The following CSMD3 variants were observed in gnomAD, a reference collection of about 807,000 sequenced individuals.
CSMD3 encodes the protein CUB and Sushi multiple domains 3, also known as CUB and sushi domain-containing protein 3.
A neutral mutation model predicts 435.2 loss-of-function variants in CSMD3; 177 were observed. The ratio of observed to expected loss-of-function variants is 0.41; its 90% confidence interval spans 0.36 to 0.46. The LOEUF is 0.46. Ranked by LOEUF, CSMD3 falls within the 20% of genes least tolerant of loss-of-function variation. CSMD3 has a pLI of 0.34. For missense variants in CSMD3, 4,265 were observed against 4,504.6 expected (o/e 0.95, Z 1.52); for synonymous variants, 1,656 against 1,520.5 (o/e 1.09, Z -2.07).
intron 22 of CSMD3, among the ~76,000 whole-genome samples, chr8:112,591,221 C>G (rs1831163465): frequency 1.3e-5 from 2 of 152,108 alleles, no homozygotes; most frequent in South Asian, 2.1e-4. Flanking sequence ...ATTAAGATAT[C>G]TATTCGAGTT....
At chr8:112,809,643 C>A (rs73702223) in intron 12 of CSMD3, among the ~76,000 whole-genome samples, 1,648 of 152,212 alleles carry the variant, frequency 0.011, 33 homozygotes, top group African/African-American at 0.038. Flanking sequence ...CCCACAATCA[C>A]TTATTTCCAA....
In CSMD3 at chr8:113,177,839, T is replaced by C. The variant is rs1487137109; in HGVS notation, c.515-3923A>G. On this transcript the variant is annotated intron_variant, in intron 3 of 70. Coordinates refer to ENST00000297405, the MANE Select transcript of CSMD3 (RefSeq NM_198123.2). ...ACAGTATTGAGATTATCAGCAAATA[T>C]GAAGATATTTTGACAACATAGACTA... Among the ~76,000 whole-genome samples, 5 of 152,160 alleles carry C rather than the reference T, an allele frequency of 3.3e-5. No individual in the cohort carries two copies. The East Asian group carries it at 9.7e-4, about 29-fold the overall frequency.
At chr8:113,014,652 A>G (rs190065991) in intron 6 of CSMD3, among the ~76,000 whole-genome samples, 97 of 152,266 alleles carry the variant, frequency 6.4e-4, no homozygotes, top group African/African-American at 2.3e-3. Context: ...GTCCTGAAAT[A>G]TTACAACACA....
chr8:112,993,135 TA>T (rs930717602), intron 6 of CSMD3, among the ~76,000 whole-genome samples: 1 of 151,616 alleles, frequency 6.6e-6, no homozygotes, highest in African/African-American at 2.4e-5. Context: ...TACTGCGATT[TA>T]AAAAAATATC....
At chr8:113,374,275 T>C (rs1220999600) in intron 1 of CSMD3, among the ~76,000 whole-genome samples, 1 of 152,066 alleles carries the variant, frequency 6.6e-6, no homozygotes, top group Admixed American at 6.6e-5. Context: ...AAAATATACA[T>C]GGCAATGTTA....
intron 45 of CSMD3, among the ~76,000 whole-genome samples, chr8:112,334,577 T>A (rs1824386897): frequency 6.6e-6 from 1 of 152,158 alleles, no homozygotes; most frequent in Non-Finnish European, 1.5e-5. Context: ...TGTGTTATAA[T>A]GAGACTGTAG....
chr8:112,895,677 T>G (rs2130374938), intron 10 of CSMD3, among the ~76,000 whole-genome samples: 1 of 151,456 alleles, frequency 6.6e-6, no homozygotes, highest in East Asian at 2.0e-4. Flanking sequence ...CCCGAAATAT[T>G]TCAAGAAAAG....
At chr8:112,994,500 A>T (rs1258536229) in intron 6 of CSMD3, among the ~76,000 whole-genome samples, 3 of 151,712 alleles carry the variant, frequency 2.0e-5, no homozygotes, top group African/African-American at 4.8e-5. Flanking sequence ...AGGAAATTAG[A>T]TATGTAAGTT....
At position 112,352,262 on chromosome 8, in the gene CSMD3, C is replaced by G. The variant is rs895398512; in HGVS notation, c.6255+154G>C. Among the ~76,000 whole-genome samples, 5 of 152,226 alleles carry G rather than the reference C, an allele frequency of 3.3e-5. No individual in the cohort carries two copies. The East Asian group carries it at 9.6e-4, about 29-fold the overall frequency. On this transcript the variant is annotated intron_variant, in intron 39 of 70. Transcript: ENST00000297405. ...TTTAGTCAATTCCAGCAATATTTCT[C>G]ATGTGCATATTTTATTATCAAATTG... is the stretch of plus-strand genomic sequence containing the variant.
intron 3 of CSMD3, among the ~76,000 whole-genome samples, chr8:113,196,427 T>C (rs954193424): frequency 1.3e-5 from 2 of 151,150 alleles, no homozygotes; most frequent in African/African-American, 4.8e-5. Context: ...GATACTGTTA[T>C]ATAGACAAAT....
intron 53 of CSMD3, 118 bp from the exon 54 acceptor site, chr8:112,296,124 T>A: frequency 2.6e-6 from 2 of 780,704 alleles, no homozygotes; most frequent in Non-Finnish European, 4.3e-6. Context: ...CAACAAATAA[T>A]TCAATTATAA....
At chr8:112,345,640 T>C (rs1454954957) in intron 41 of CSMD3, among the ~76,000 whole-genome samples, 3 of 152,084 alleles carry the variant, frequency 2.0e-5, no homozygotes. Context: ...ACAAAAGAAG[T>C]AAATTCATTG....
chr8:112,355,356 T>TTGTC (rs1826494170), intron 38 of CSMD3, among the ~76,000 whole-genome samples: 1 of 152,118 alleles, frequency 6.6e-6, no homozygotes, highest in Admixed American at 6.5e-5. Flanking sequence ...AAGTAAGACC[T>TTGTC]AATTAAACTA....
At chr8:113,092,555 G>A (rs973728770) in intron 5 of CSMD3, among the ~76,000 whole-genome samples, 3 of 152,052 alleles carry the variant, frequency 2.0e-5, no homozygotes, top group African/African-American at 7.2e-5. Flanking sequence ...TGGGATATAA[G>A]CAGAAATAGG....
At position 113,410,256 on chromosome 8, in the gene CSMD3, A is replaced by T. The variant is rs1243437618; in HGVS notation, c.178+26421T>A. 2.0e-5 allele frequency among the ~76,000 whole-genome samples: 3 copies of T among 152,126 alleles called. No homozygotes were observed. In the East Asian group the frequency reaches 5.8e-4, roughly 29 times the overall value. On this transcript the variant is annotated intron_variant, in intron 1 of 70. Transcript: ENST00000297405. ...AATTCCTGTCCTATTTACCCCTCCA[A>T]CAGTCATATTGTAGACTCATTAAGA...
intron 1 of CSMD3, among the ~76,000 whole-genome samples, chr8:113,409,845 T>A (rs1314985117): frequency 1.3e-5 from 2 of 151,522 alleles, no homozygotes; most frequent in Non-Finnish European, 2.9e-5. Context: ...TTCTTTGGTA[T>A]GTGCATTCAT....
intron 7 of CSMD3, among the ~76,000 whole-genome samples, chr8:112,972,162 C>T (rs1272714553): frequency 1.3e-5 from 2 of 151,664 alleles, no homozygotes; most frequent in Admixed American, 6.6e-5. Flanking sequence ...TTAATACATG[C>T]CCCAGTTTAT....
chr8:112,630,942 T>TCACACACA lies in CSMD3; in HGVS notation c.3715+5867_3715+5874dup, dbSNP rs5894090. Among the ~76,000 whole-genome samples the TCACACACA allele has an allele frequency of 5.6e-3, 783 of 140,580 alleles. 3 individuals carry two copies. The highest frequency in any genetic ancestry group is 8.9e-3 in the East Asian group (41 of 4,606). The allele number at this position is 140,580 out of a possible 152,430, so 92.2% of individuals were successfully genotyped here. ...TGTTACCAACAAACTACATCAGTAT[T>TCACACACA]CACACACACACACACACACACACAC... On this transcript the variant is annotated intron_variant, in intron 22 of 70. Coordinates refer to ENST00000297405, the MANE Select transcript of CSMD3 (RefSeq NM_198123.2).
At chr8:112,497,711 G>A (rs1821502081) in intron 30 of CSMD3, among the ~76,000 whole-genome samples, 1 of 151,826 alleles carries the variant, frequency 6.6e-6, no homozygotes, top group African/African-American at 2.4e-5. Context: ...TGAAAATAAT[G>A]AGATGTTTGT....
Sources: gnomAD v4.1 joint callset for allele counts (sites outside exome capture counted in the v4.1 genomes callset) on GRCh38, gnomAD v4.1.1 for gene constraint, MANE v1.5 for transcripts, NCBI Gene and HGNC (gene_info 2026-07-23, HGNC 2026-07-21) for gene names.